SH3RF3: variants seen among roughly 807,000 people sequenced by gnomAD.
The protein encoded by SH3RF3 is E3 ubiquitin-protein ligase SH3RF3.
SH3RF3 carries 29 observed loss-of-function variants against 66.3 expected under a neutral mutation model. The observed-to-expected ratio is 0.44, with a 90% CI of 0.33 to 0.60. The LOEUF (loss-of-function observed/expected upper bound fraction) is 0.60, where lower values mean the gene tolerates loss of function less well. SH3RF3 is among the 20% of genes least tolerant of loss of function. SH3RF3 has a pLI of 0.04. For synonymous variants in SH3RF3, 583 were observed against 532.0 expected, an observed-to-expected ratio of 1.10 and a Z score of -1.32; for missense variants, 1,194 against 1,190.9, an observed-to-expected ratio of 1.00 and a Z score of -0.04.
At chr2:109,228,321 G>T (rs964964250) in intron 1 of SH3RF3, among the ~76,000 whole-genome samples, 4 of 152,162 alleles carry the variant, frequency 2.6e-5, no homozygotes, top group African/African-American at 9.7e-5. Flanking sequence ...ATGTGTTGTA[G>T]ACAGCATCTC....
intron 1 of SH3RF3, among the ~76,000 whole-genome samples, chr2:109,222,182 A>T (rs978303948): frequency 2.6e-5 from 4 of 152,220 alleles, no homozygotes; most frequent in Non-Finnish European, 4.4e-5. Context: ...GCCAGATGCC[A>T]GTGTCTGGAA....
At chr2:109,415,709 G>T (rs1158278724) in intron 4 of SH3RF3, among the ~76,000 whole-genome samples, 1 of 152,238 alleles carries the variant, frequency 6.6e-6, no homozygotes, top group Middle Eastern at 3.4e-3. Context: ...ATCCCGTGGG[G>T]ATACTGCCCC....
At chr2:109,225,680 C>A (rs138543955) in intron 1 of SH3RF3, among the ~76,000 whole-genome samples, 2 of 152,244 alleles carry the variant, frequency 1.3e-5, no homozygotes, top group Admixed American at 1.3e-4. Flanking sequence ...CTGTAAATAT[C>A]AGGAACAGAG....
rs182222054 is a variant in SH3RF3 at position 109,332,745 on chromosome 2, C to T, written c.574-14929C>T. ...AACATATCCAGGAGCAGCCACCCCG[C>T]CCCCAGGGTTAGTGTGTGGAGGCAC... is the stretch of plus-strand genomic sequence containing the variant. On this transcript the variant is annotated intron_variant, in intron 1 of 9. Coordinates refer to ENST00000309415, the MANE Select transcript of SH3RF3 (RefSeq NM_001099289.3). 1.9e-3 allele frequency among the ~76,000 whole-genome samples: 290 copies of T among 152,282 alleles called. 2 individuals are homozygous for T. Among genetic ancestry groups the T allele is most frequent in the Non-Finnish European group, 1.2e-3 (82 of 68,024 alleles).
chr2:109,427,508 C>T (rs1001004286), intron 5 of SH3RF3, among the ~76,000 whole-genome samples: 2 of 152,166 alleles, frequency 1.3e-5, no homozygotes, highest in Admixed American at 6.5e-5. Context: ...GGGCCTTACA[C>T]CAGGAGCTCC....
chr2:109,443,121 TTGTG>T (rs1338972640), intron 7 of SH3RF3, among the ~76,000 whole-genome samples: 3 of 152,256 alleles, frequency 2.0e-5, no homozygotes, highest in Non-Finnish European at 2.9e-5. Flanking sequence ...CTAGGTGAAA[TTGTG>T]TGTGGCATGC....
intron 1 of SH3RF3, among the ~76,000 whole-genome samples, chr2:109,315,620 G>A (rs564410859): frequency 3.9e-5 from 6 of 152,374 alleles, no homozygotes; most frequent in South Asian, 4.1e-4. Context: ...GCACAAGGAC[G>A]TGTGTGTCCA....
At chr2:109,332,862 G>C (rs923117963) in intron 1 of SH3RF3, among the ~76,000 whole-genome samples, 2 of 152,224 alleles carry the variant, frequency 1.3e-5, no homozygotes, top group Non-Finnish European at 2.9e-5. Context: ...AAGTGTTGAA[G>C]TGTTTCTTGC....
chr2:109,204,210 A>C lies in SH3RF3; in HGVS notation c.573+74097A>C, dbSNP rs868033137. On this transcript the variant is annotated intron_variant, in intron 1 of 9. Coordinates refer to ENST00000309415, the MANE Select transcript of SH3RF3 (RefSeq NM_001099289.3). ...CTGCTCTTTCCTTTTATCTGTCTGTATGTCTGTCTGTCTGTCTTGGGTGAA... is the reference window on the plus strand; with the variant it reads ...CTGCTCTTTCCTTTTATCTGTCTGTCTGTCTGTCTGTCTGTCTTGGGTGAA... Among the ~76,000 whole-genome samples, 5 of 152,034 alleles carry C rather than the reference A, an allele frequency of 3.3e-5. No homozygotes were observed. In the South Asian group the frequency reaches 1.0e-3, roughly 32 times the overall value.
At chr2:109,366,132 C>A (rs182466748) in intron 2 of SH3RF3, among the ~76,000 whole-genome samples, 1 of 152,236 alleles carries the variant, frequency 6.6e-6, no homozygotes, top group Admixed American at 6.5e-5. Flanking sequence ...GTTATCCATT[C>A]TTTAAATTTT....
At chr2:109,169,714 CTATA>C (rs985179529) in intron 1 of SH3RF3, among the ~76,000 whole-genome samples, 1 of 150,876 alleles carries the variant, frequency 6.6e-6, no homozygotes, top group African/African-American at 2.5e-5. Context: ...CTATATATAT[CTATA>C]TATATAACCA....
chr2:109,129,516 C>G lies in SH3RF3; in HGVS notation c.-25C>G. Reference sequence around the variant, plus strand: ...CGGCCCCGGGACCTAGGCAGCCGCGCGAGACCGCTGCGGGCGCCTCCCCCA... The same window carrying G: ...CGGCCCCGGGACCTAGGCAGCCGCGGGAGACCGCTGCGGGCGCCTCCCCCA... On this transcript the variant is annotated 5_prime_UTR_variant, in exon 1 of 10. Transcript: ENST00000309415. The G allele has an allele frequency of 7.4e-6, 11 of 1,495,820 alleles. No homozygotes were observed. The highest frequency in any genetic ancestry group is 1.2e-5 in the South Asian group (1 of 80,374). The allele number at this position is 1,495,820 out of a possible 1,614,324, so 92.7% of individuals were successfully genotyped here. A position where few individuals can be genotyped will look rare whatever the true frequency, so the allele number is the denominator to read the frequency against.
intron 2 of SH3RF3, among the ~76,000 whole-genome samples, chr2:109,357,216 CTG>C (rs1234819953): frequency 1.5e-4 from 22 of 151,544 alleles, no homozygotes; most frequent in Admixed American, 1.4e-3. Context: ...GAGTCTTACT[CTG>C]TCGCCCAGGC....
At chr2:109,493,422 A>G (rs1679181208) in intron 9 of SH3RF3, among the ~76,000 whole-genome samples, 1 of 151,634 alleles carries the variant, frequency 6.6e-6, no homozygotes, top group African/African-American at 2.4e-5. Flanking sequence ...TACATCATGC[A>G]AACACAGACT....
intron 8 of SH3RF3, among the ~76,000 whole-genome samples, chr2:109,488,663 C>T (rs1006505988): frequency 6.6e-6 from 1 of 152,198 alleles, no homozygotes; most frequent in African/African-American, 2.4e-5. Context: ...CCTGGGAACA[C>T]TCTCCCTCAA....
At chr2:109,439,645 A>G (rs1677506428) in intron 7 of SH3RF3, among the ~76,000 whole-genome samples, 1 of 151,934 alleles carries the variant, frequency 6.6e-6, no homozygotes, top group South Asian at 2.1e-4. Context: ...AAGGCAGAGC[A>G]CCCCCTGTAA....
intron 1 of SH3RF3, among the ~76,000 whole-genome samples, chr2:109,263,934 A>C (rs955642090): frequency 1.2e-4 from 18 of 152,316 alleles, no homozygotes; most frequent in South Asian, 4.1e-4. Context: ...GTGCCACTGC[A>C]CTCCAGCCTG....
At chr2:109,364,135 G>A (rs2105643194) in intron 2 of SH3RF3, among the ~76,000 whole-genome samples, 1 of 148,932 alleles carries the variant, frequency 6.7e-6, no homozygotes, top group South Asian at 2.1e-4. Flanking sequence ...AAGTTGTCCT[G>A]CAGTTCTTGG....
chr2:109,228,888 A>T (rs1679433995), intron 1 of SH3RF3, among the ~76,000 whole-genome samples: 1 of 152,190 alleles, frequency 6.6e-6, no homozygotes, highest in South Asian at 2.1e-4. Flanking sequence ...TTGGTTATCA[A>T]CACAATATCC....
Sources: gnomAD v4.1 joint callset for allele counts (sites outside exome capture counted in the v4.1 genomes callset) on GRCh38, gnomAD v4.1.1 for gene constraint, MANE v1.5 for transcripts, NCBI Gene and HGNC (gene_info 2026-07-23, HGNC 2026-07-21) for gene names.